SIRPA: variants seen among roughly 807,000 people sequenced by gnomAD.
The protein encoded by SIRPA is tyrosine-protein phosphatase non-receptor type substrate 1.
A neutral mutation model predicts 50.3 loss-of-function variants in SIRPA; 9 were observed. That is an observed-to-expected ratio of 0.18 (90% CI 0.11 to 0.31). The LOEUF is 0.31. SIRPA is among the 10% of genes least tolerant of loss of function. The pLI, the probability that SIRPA is intolerant of heterozygous loss-of-function variation, is 1.00. For synonymous variants in SIRPA, 265 were observed against 284.1 expected, an observed-to-expected ratio of 0.93 and a Z score of 0.68; for missense variants, 474 against 661.6, an observed-to-expected ratio of 0.72 and a Z score of 3.11.
At position 1,934,572 on chromosome 20, in the gene SIRPA, A is replaced by G; in HGVS notation, c.1227-143A>G. ...TGACCCCTTTGTCCAAACATTTGATATGCAGTTGTATTTCTGTTATGAGTC... is the reference window on the plus strand; with the variant it reads ...TGACCCCTTTGTCCAAACATTTGATGTGCAGTTGTATTTCTGTTATGAGTC... On this transcript the variant is annotated intron_variant, in intron 6 of 7. Coordinates refer to ENST00000358771, the MANE Select transcript of SIRPA (RefSeq NM_001040023.2). The surrounding 1 kb of genome is among the most constrained non-coding windows in gnomAD (Gnocchi z 4.6). 1.5e-6 allele frequency: 1 copy of G among 679,442 alleles called. No homozygotes were observed. The allele number at this position is 679,442 out of a possible 1,614,324, so 42.1% of individuals were successfully genotyped here.
At chr20:1,911,053 G>C (rs2123059651) in intron 1 of SIRPA, among the ~76,000 whole-genome samples, 1 of 152,078 alleles carries the variant, frequency 6.6e-6, no homozygotes, top group East Asian at 1.9e-4. Context: ...GGATCACACT[G>C]GATCTACTAC....
chr20:1,902,360 G>A (rs1454408187), intron 1 of SIRPA, among the ~76,000 whole-genome samples: 1 of 152,184 alleles, frequency 6.6e-6, no homozygotes, highest in Non-Finnish European at 1.5e-5. Context: ...GCCAAGTGGG[G>A]CTCATCCTTA....
At chr20:1,895,896 C>G (rs1983777910) in intron 1 of SIRPA, among the ~76,000 whole-genome samples, 1 of 152,204 alleles carries the variant, frequency 6.6e-6, no homozygotes, top group African/African-American at 2.4e-5. Context: ...GAATCTGTCC[C>G]CATGGACATA....
At chr20:1,923,351 A>G (rs1332515953) in intron 4 of SIRPA, among the ~76,000 whole-genome samples, 1 of 152,150 alleles carries the variant, frequency 6.6e-6, no homozygotes, top group Non-Finnish European at 1.5e-5. Context: ...ATATTTCATC[A>G]CCTGTTATCA....
intron 1 of SIRPA, among the ~76,000 whole-genome samples, chr20:1,899,949 C>T (rs1324018788): frequency 6.6e-6 from 1 of 152,176 alleles, no homozygotes; most frequent in Non-Finnish European, 1.5e-5. Context: ...TGGCTTTATT[C>T]TGGTTTGATT....
chr20:1,937,758 C>A lies in SIRPA; in HGVS notation c.*190C>A. ...TCCAGCACTTCCTGGGCAGCCACGG[C>A]CCCCTCCCCCCACATTGCCACATAC... On this transcript the variant is annotated 3_prime_UTR_variant, in exon 8 of 8. Coordinates refer to ENST00000358771, the MANE Select transcript of SIRPA (RefSeq NM_001040023.2). The surrounding 1 kb of genome is among the most constrained non-coding windows in gnomAD (Gnocchi z 8.3). 1 of 690,518 alleles carries A rather than the reference C, an allele frequency of 1.4e-6. No homozygotes were observed. The highest frequency in any genetic ancestry group is 2.4e-6 in the Non-Finnish European group (1 of 424,246). The allele number at this position is 690,518 out of a possible 1,614,324, so 42.8% of individuals were successfully genotyped here.
chr20:1,920,848 C>T (rs1034642076), intron 2 of SIRPA, among the ~76,000 whole-genome samples: 3 of 152,204 alleles, frequency 2.0e-5, no homozygotes, highest in African/African-American at 7.2e-5. Context: ...CTTCTGTTGC[C>T]TCATTTAATC....
chr20:1,921,803 G>C lies in SIRPA; in HGVS notation c.754+91G>C, dbSNP rs918771948. ...CTCATCCAGCTCTACTCTTGCTCCA[G>C]GGCTTGAAATGCCTGGAACCTAAAT... On this transcript the variant is annotated intron_variant, in intron 3 of 7. Transcript: ENST00000358771. 11 of 1,438,922 alleles carry C rather than the reference G, an allele frequency of 7.6e-6. No individual in the cohort carries two copies. In the African/African-American group the frequency reaches 1.5e-4, roughly 19 times the overall value. 89.1% of individuals were successfully genotyped at this position (1,438,922 alleles called of 1,614,324 possible). A position where few individuals can be genotyped will look rare whatever the true frequency, so the allele number is the denominator to read the frequency against.
At chr20:1,897,333 A>C (rs1983891654) in intron 1 of SIRPA, among the ~76,000 whole-genome samples, 1 of 152,256 alleles carries the variant, frequency 6.6e-6, no homozygotes, top group Non-Finnish European at 1.5e-5. Context: ...TTAGGAGGTA[A>C]GAATGAATTT....
In SIRPA at chr20:1,939,944, G is replaced by A. The variant is rs6136470; in HGVS notation, c.*2376G>A. On this transcript the variant is annotated 3_prime_UTR_variant, in exon 8 of 8. Transcript: ENST00000358771. The surrounding 1 kb of genome is among the most constrained non-coding windows in gnomAD (Gnocchi z 4.7). The stretch of plus-strand genomic sequence containing the variant: ...GTCTTTGTGAGTGCGTCCCGGGGCC[G>A]CCTCGGGGCCTGCCTGCCCTCCTGC... 0.15 allele frequency: 23,258 copies of A among 152,572 alleles called. 3,040 individuals are homozygous for A. Among genetic ancestry groups the A allele is most frequent in the East Asian group, 0.71 (3,685 of 5,168 alleles). The allele number at this position is 152,572 out of a possible 1,614,324, so 9.5% of individuals were successfully genotyped here.
At position 1,913,642 on chromosome 20, in the gene SIRPA, G is replaced by A. The variant is rs1985036707; in HGVS notation, c.80-1457G>A. 1.3e-5 allele frequency among the ~76,000 whole-genome samples: 2 copies of A among 152,186 alleles called. 1 individual carries two copies. The highest frequency in any genetic ancestry group is 4.1e-4 in the South Asian group (2 of 4,830). On this transcript the variant is annotated intron_variant, in intron 1 of 7. Transcript: ENST00000358771. Reference sequence around the variant, plus strand: ...TAGCTGCCACTCCTCTGTCTACCTGGTTCTCTCCTTCTCCCCTATTCTAGC... The same window carrying A: ...TAGCTGCCACTCCTCTGTCTACCTGATTCTCTCCTTCTCCCCTATTCTAGC...
In SIRPA at chr20:1,937,090, T is replaced by C. The variant is rs1313270952; in HGVS notation, c.1267-230T>C. Reference sequence around the variant, plus strand: ...GCGGGGCTGTGAGGAGACTGCACTGTGCGGGTCAGAAAGACCCTTCAGGCA... The same window carrying C: ...GCGGGGCTGTGAGGAGACTGCACTGCGCGGGTCAGAAAGACCCTTCAGGCA... On this transcript the variant is annotated intron_variant, in intron 7 of 7. Transcript: ENST00000358771. This position sits in a 1 kb window ranked among gnomAD's most constrained non-coding sequence, Gnocchi z 8.3. 6.6e-6 allele frequency among the ~76,000 whole-genome samples: 1 copy of C among 151,732 alleles called. No homozygotes were observed. The highest frequency in any genetic ancestry group is 1.9e-4 in the East Asian group (1 of 5,156).
chr20:1,924,677 G>A lies in SIRPA; in HGVS notation c.1088-87G>A. On this transcript the variant is annotated intron_variant, in intron 4 of 7. Coordinates refer to ENST00000358771, the MANE Select transcript of SIRPA (RefSeq NM_001040023.2). This position sits in a 1 kb window ranked among gnomAD's most constrained non-coding sequence, Gnocchi z 4.5. ...CAGCCAGATGTTCTCAGTTAATGAT[G>A]CCTGCTTAGTGGTGAAAAGCAGTGG... The A allele has an allele frequency of 1.9e-6, 2 of 1,051,902 alleles. No homozygotes were observed. The highest frequency in any genetic ancestry group is 2.9e-6 in the Non-Finnish European group (2 of 681,836). The allele number at this position is 1,051,902 out of a possible 1,614,324, so 65.2% of individuals were successfully genotyped here.
intron 1 of SIRPA, among the ~76,000 whole-genome samples, chr20:1,907,855 C>A (rs957713975): frequency 1.2e-4 from 18 of 152,178 alleles, no homozygotes; most frequent in African/African-American, 4.3e-4. Flanking sequence ...TGTTGGAGCC[C>A]CAAGCTCTCT....
intron 5 of SIRPA, among the ~76,000 whole-genome samples, chr20:1,926,380 C>A (rs761430997): frequency 2.2e-4 from 34 of 152,264 alleles, no homozygotes; most frequent in Non-Finnish European, 4.0e-4. Context: ...ATAGTGAAAT[C>A]CTGGCCATCC....
chr20:1,924,857 T>C lies in SIRPA; in HGVS notation c.1181T>C (p.Val394Ala), dbSNP rs1487072320. ...VALLMAALYL[V>A]RIRQKKAQGS... ...CTACTGATGGCGGCCCTCTACCTCGTCCGAATCAGACAGAAGAAAGGTGGG... is the reference window on the plus strand; with the variant it reads ...CTACTGATGGCGGCCCTCTACCTCGCCCGAATCAGACAGAAGAAAGGTGGG... Residue 394 changes from valine (V) to alanine (A), a missense_variant, in exon 5 of 8, where the codon GTC (valine) becomes GCC (alanine). This residue lies in a region of SIRPA where 180 missense variants were observed against 206.7 expected (regional missense o/e 0.87). Transcript: ENST00000358771. The surrounding 1 kb of genome is among the most constrained non-coding windows in gnomAD (Gnocchi z 4.5). 6.2e-7 allele frequency: 1 copy of C among 1,614,066 alleles called. No individual in the cohort carries two copies. Among genetic ancestry groups the C allele is most frequent in the East Asian group, 2.2e-5 (1 of 44,878 alleles).
intron 1 of SIRPA, among the ~76,000 whole-genome samples, chr20:1,899,154 A>G (rs948532686): frequency 1.3e-5 from 2 of 151,622 alleles, no homozygotes; most frequent in African/African-American, 4.8e-5. Flanking sequence ...AACACAACTC[A>G]GATCATGTCA....
chr20:1,915,139 C>A lies in SIRPA; in HGVS notation c.120C>A (p.Asp40Glu), dbSNP rs1349896458. The A allele has an allele frequency of 1.3e-6, 2 of 1,571,888 alleles. No individual in the cohort carries two copies. Among genetic ancestry groups the A allele is most frequent in the African/African-American group, 1.4e-5 (1 of 73,974 alleles). ...GEEELQVIQP[D>E]KSVLVAAGET... ...AGGAGCTGCAGGTGATTCAGCCTGA[C>A]AAGTCCGTGTTGGTTGCAGCTGGAG... The change falls in exon 2 of 8, where the codon GAC becomes GAA. Residue 40 changes from aspartate (D) to glutamate (E), a missense_variant. Physicochemically the swap from Asp to Glu is conservative, Grantham distance 45. This residue lies in a region of SIRPA where 72 missense variants were observed against 76.2 expected (regional missense o/e 0.94). Coordinates refer to ENST00000358771, the MANE Select transcript of SIRPA (RefSeq NM_001040023.2).
chr20:1,914,110 T>C (rs1985074423), intron 1 of SIRPA, among the ~76,000 whole-genome samples: 2 of 152,218 alleles, frequency 1.3e-5, no homozygotes, highest in South Asian at 4.1e-4. Flanking sequence ...AGCCACCTCC[T>C]TGTTTATTCA....
Sources: allele counts gnomAD v4.1 joint callset (sites outside exome capture counted in the v4.1 genomes callset), GRCh38; gene constraint gnomAD v4.1.1; regional missense constraint gnomAD v4.1.1; non-coding constraint Gnocchi (gnomAD v3.1); transcripts MANE v1.5; gene names NCBI Gene and HGNC (gene_info 2026-07-23, HGNC 2026-07-21).